The following CDH13 variants were observed in gnomAD, a reference collection of about 807,000 sequenced individuals.
The protein encoded by CDH13 is cadherin-13.
A neutral mutation model predicts 63.8 loss-of-function variants in CDH13; 24 were observed. The observed-to-expected ratio is 0.38, with a 90% CI of 0.27 to 0.53. CDH13 has a LOEUF of 0.53. Ranked by LOEUF, CDH13 falls within the 20% of genes least tolerant of loss-of-function variation. The pLI, the probability that CDH13 is intolerant of heterozygous loss-of-function variation, is 0.85. For missense variants in CDH13, 1,049 were observed against 903.1 expected, an observed-to-expected ratio of 1.16 and a Z score of -2.07; for synonymous variants, 503 against 355.3, an observed-to-expected ratio of 1.42 and a Z score of -4.67.
chr16:83,277,908 AAACT>A lies in CDH13; in HGVS notation c.636+60414_636+60417del, dbSNP rs551379994. On this transcript the variant is annotated intron_variant, in intron 5 of 13. Coordinates refer to ENST00000567109, the MANE Select transcript of CDH13 (RefSeq NM_001257.5). ...AGAAGTTTGTTTGCTATTGGGCAAC[AAACT>A]AAATAAATGTATTTAAAAAGTAGAT... Among the ~76,000 whole-genome samples, 142 of 152,312 alleles carry A rather than the reference AAACT, an allele frequency of 9.3e-4. 1 individual carries two copies. The highest frequency in any genetic ancestry group is 3.1e-3 in the African/African-American group (129 of 41,570).
At chr16:83,294,466 A>G (rs1409999853) in intron 5 of CDH13, among the ~76,000 whole-genome samples, 1 of 152,114 alleles carries the variant, frequency 6.6e-6, no homozygotes, top group Admixed American at 6.6e-5. Flanking sequence ...ACATTTTAGC[A>G]TTCACATGGG....
At chr16:83,405,274 A>G (rs2092025190) in intron 6 of CDH13, among the ~76,000 whole-genome samples, 1 of 152,204 alleles carries the variant, frequency 6.6e-6, no homozygotes, top group African/African-American at 2.4e-5. Context: ...TCCCCCTGGA[A>G]GATGTGCAAG....
chr16:82,872,913 C>T (rs1177260836), intron 2 of CDH13, among the ~76,000 whole-genome samples: 1 of 152,208 alleles, frequency 6.6e-6, no homozygotes, highest in African/African-American at 2.4e-5. Flanking sequence ...AATGTGCCTC[C>T]TGCTGTGGAG....
chr16:82,889,533 A>G (rs2041007218), intron 2 of CDH13, among the ~76,000 whole-genome samples: 1 of 152,198 alleles, frequency 6.6e-6, no homozygotes, highest in African/African-American at 2.4e-5. Flanking sequence ...TAAATTTAGG[A>G]TCTTATTAAC....
chr16:83,633,000 C>T lies in CDH13; in HGVS notation c.1101+30406C>T, dbSNP rs189374190. ...ACTGTCATGGCACTGGTGGGAGTGTCTTTTGACATGCTAATGTATTATAAT... is the reference window on the plus strand; with the variant it reads ...ACTGTCATGGCACTGGTGGGAGTGTTTTTTGACATGCTAATGTATTATAAT... On this transcript the variant is annotated intron_variant, in intron 8 of 13. Coordinates refer to ENST00000567109, the MANE Select transcript of CDH13 (RefSeq NM_001257.5). Among the ~76,000 whole-genome samples, 609 of 152,048 alleles carry T rather than the reference C, an allele frequency of 4.0e-3. 1 individual carries two copies. Among genetic ancestry groups the T allele is most frequent in the Middle Eastern group, 6.8e-3 (2 of 294 alleles).
At chr16:83,151,299 G>T (rs1003803492) in intron 4 of CDH13, among the ~76,000 whole-genome samples, 1 of 152,166 alleles carries the variant, frequency 6.6e-6, no homozygotes, top group Non-Finnish European at 1.5e-5. Flanking sequence ...ATGCTTTAAT[G>T]AAGATTTCCA....
chr16:83,596,132 A>G (rs1166644033), intron 7 of CDH13, among the ~76,000 whole-genome samples: 1 of 152,216 alleles, frequency 6.6e-6, no homozygotes, highest in Non-Finnish European at 1.5e-5. Flanking sequence ...GATCTTGAGA[A>G]TGGGGTTGAC....
intron 5 of CDH13, among the ~76,000 whole-genome samples, chr16:83,249,397 G>T (rs1271407547): frequency 6.6e-6 from 1 of 152,156 alleles, no homozygotes; most frequent in Non-Finnish European, 1.5e-5. Context: ...CTTCTTCACA[G>T]AGCTGGTGGT....
chr16:83,081,253 C>G (rs2033232601), intron 3 of CDH13, among the ~76,000 whole-genome samples: 1 of 152,014 alleles, frequency 6.6e-6, no homozygotes, highest in Admixed American at 6.6e-5. Flanking sequence ...TATTGAGCAC[C>G]TGCTGTGTAT....
intron 8 of CDH13, among the ~76,000 whole-genome samples, chr16:83,669,977 T>C (rs1369870959): frequency 6.6e-6 from 1 of 152,244 alleles, no homozygotes; most frequent in Non-Finnish European, 1.5e-5. Context: ...TGAAATTCTC[T>C]ATCTATGAGA....
intron 5 of CDH13, among the ~76,000 whole-genome samples, chr16:83,242,694 A>T (rs890924251): frequency 6.6e-6 from 1 of 152,174 alleles, no homozygotes; most frequent in Non-Finnish European, 1.5e-5. Context: ...TACTTGGGAA[A>T]ATTCCCAGAA....
At chr16:82,700,726 C>A (rs927032788) in intron 1 of CDH13, among the ~76,000 whole-genome samples, 2 of 152,080 alleles carry the variant, frequency 1.3e-5, no homozygotes, top group African/African-American at 4.8e-5. Flanking sequence ...GTCTCACCCT[C>A]CTCTTTGCCC....
intron 10 of CDH13, among the ~76,000 whole-genome samples, chr16:83,745,506 G>C (rs889548613): frequency 6.6e-6 from 1 of 152,196 alleles, no homozygotes; most frequent in African/African-American, 2.4e-5. Flanking sequence ...ACACTCGGAG[G>C]GGCTCTGGAT....
At chr16:83,268,598 T>G (rs546060258) in intron 5 of CDH13, among the ~76,000 whole-genome samples, 3 of 152,338 alleles carry the variant, frequency 2.0e-5, no homozygotes, top group African/African-American at 7.2e-5. Context: ...TCTACGTTTT[T>G]TTGACAGCAC....
intron 3 of CDH13, among the ~76,000 whole-genome samples, chr16:83,069,383 G>A (rs1488786729): frequency 6.6e-6 from 1 of 152,018 alleles, no homozygotes; most frequent in Non-Finnish European, 1.5e-5. Flanking sequence ...TTGCAATACC[G>A]TTTTCTTTTC....
intron 2 of CDH13, among the ~76,000 whole-genome samples, chr16:82,896,705 T>C (rs115790506): frequency 0.021 from 3,224 of 150,210 alleles, 120 homozygotes; most frequent in African/African-American, 0.073. Flanking sequence ...CAGGTCTGAC[T>C]CTCAGTGAAT....
chr16:83,120,081 C>T (rs2035495680), intron 3 of CDH13, among the ~76,000 whole-genome samples: 3 of 151,936 alleles, frequency 2.0e-5, no homozygotes, highest in African/African-American at 2.4e-5. Context: ...CCCAGAGAGT[C>T]GACATGCACA....
At chr16:83,579,066 C>T (rs1598321444) in intron 7 of CDH13, among the ~76,000 whole-genome samples, 2 of 152,324 alleles carry the variant, frequency 1.3e-5, no homozygotes, top group African/African-American at 4.8e-5. Flanking sequence ...ATAAAATTCC[C>T]ATGTTTAAAG....
At chr16:83,015,755 C>T (rs1234123976) in intron 2 of CDH13, among the ~76,000 whole-genome samples, 1 of 127,764 alleles carries the variant, frequency 7.8e-6, no homozygotes. Context: ...ATCTCAGGAA[C>T]CTTAGACTTG....
Sources: allele counts gnomAD v4.1 joint callset (sites outside exome capture counted in the v4.1 genomes callset), GRCh38; gene constraint gnomAD v4.1.1; transcripts MANE v1.5; gene names NCBI Gene and HGNC (gene_info 2026-07-23, HGNC 2026-07-21).